ME3: variants seen among roughly 807,000 people sequenced by gnomAD.
ME3 encodes the protein malic enzyme 3, also known as NADP-dependent malic enzyme, mitochondrial.
ME3 carries 48 observed loss-of-function variants against 68.9 expected under a neutral mutation model. The ratio of observed to expected loss-of-function variants is 0.70; its 90% CI spans 0.55 to 0.89. The LOEUF is 0.89. ME3 is among the 40% of genes least tolerant of loss of function. ME3 has a pLI of 0.00. For missense variants in ME3, 675 were observed against 797.4 expected (o/e 0.85, Z 1.85); for synonymous variants, 320 against 318.8 (o/e 1.00, Z -0.04).
At chr11:86,620,842 C>G (rs1565226025) in intron 2 of ME3, among the ~76,000 whole-genome samples, 1 of 152,156 alleles carries the variant, frequency 6.6e-6, no homozygotes, top group African/African-American at 2.4e-5. Flanking sequence ...CAGCCAATCT[C>G]TCTGTCCTCT....
chr11:86,502,717 T>C (rs546837559), intron 5 of ME3, among the ~76,000 whole-genome samples: 4 of 152,226 alleles, frequency 2.6e-5, no homozygotes, highest in Admixed American at 6.5e-5. Flanking sequence ...ATTTTCCTTG[T>C]TTGGAAGAGT....
intron 2 of ME3, among the ~76,000 whole-genome samples, chr11:86,630,016 C>G (rs1396555943): frequency 1.3e-5 from 2 of 152,094 alleles, no homozygotes; most frequent in East Asian, 1.9e-4. Context: ...AACTCTAGAC[C>G]TGGAGGAACT....
chr11:86,536,230 G>A (rs532123050), intron 4 of ME3, among the ~76,000 whole-genome samples: 38 of 151,988 alleles, frequency 2.5e-4, no homozygotes, highest in African/African-American at 8.4e-4. Context: ...CATGAGCAAG[G>A]ACTTCATGTC....
intron 4 of ME3, among the ~76,000 whole-genome samples, chr11:86,509,756 C>CAAA (rs5793200): frequency 2.0e-5 from 2 of 102,508 alleles, no homozygotes; most frequent in African/African-American, 7.2e-5. Flanking sequence ...GGGGGATTGG[C>CAAA]AAAAAAAAAA....
Position 86,545,124 on chromosome 11 carries a change from C to G in ME3, c.467+11429G>C, listed in dbSNP as rs1052252581. 8.4e-4 allele frequency among the ~76,000 whole-genome samples: 127 copies of G among 151,950 alleles called. 1 individual carries two copies. The highest frequency in any genetic ancestry group is 3.0e-3 in the African/African-American group (123 of 41,434). On this transcript the variant is annotated intron_variant, in intron 4 of 14. Transcript: ENST00000543262. ...AAAGGCCTTCGATAAAATTCAACAC[C>G]CTTCATGCTAAAAACTCTCAAGAAA...
intron 8 of ME3, among the ~76,000 whole-genome samples, chr11:86,451,509 A>G (rs1949631612): frequency 6.6e-6 from 1 of 152,198 alleles, no homozygotes; most frequent in Non-Finnish European, 1.5e-5. Context: ...GAGGCTATGC[A>G]TGGGCTTCCT....
At chr11:86,650,806 C>T (rs1945357263) in intron 2 of ME3, among the ~76,000 whole-genome samples, 3 of 152,184 alleles carry the variant, frequency 2.0e-5, no homozygotes, top group Admixed American at 2.0e-4. Context: ...CATCGCCTCA[C>T]CCAGGAAGTG....
At chr11:86,530,282 A>T (rs950695735) in intron 4 of ME3, among the ~76,000 whole-genome samples, 1 of 152,194 alleles carries the variant, frequency 6.6e-6, no homozygotes, top group Admixed American at 6.5e-5. Context: ...CTAGGAATCC[A>T]ACTTACAAGG....
intron 4 of ME3, among the ~76,000 whole-genome samples, chr11:86,509,221 TC>T (rs3837399): frequency 0.045 from 6,901 of 152,208 alleles, 164 homozygotes; most frequent in South Asian, 0.099. Flanking sequence ...CTTTTCCAGG[TC>T]CCTCCTCCCA....
At chr11:86,468,892 G>C (rs943748598) in intron 7 of ME3, among the ~76,000 whole-genome samples, 15 of 152,224 alleles carry the variant, frequency 9.9e-5, no homozygotes, top group Admixed American at 2.6e-4. Flanking sequence ...ATCACCTTAT[G>C]ATGTAGGCGC....
chr11:86,485,917 G>A (rs935066760), intron 7 of ME3, among the ~76,000 whole-genome samples: 1 of 152,142 alleles, frequency 6.6e-6, no homozygotes, highest in Non-Finnish European at 1.5e-5. Context: ...AACCCCAAGG[G>A]GGCCCAGAGA....
chr11:86,448,447 G>C (rs528704924), intron 10 of ME3, among the ~76,000 whole-genome samples, 192 bp from the exon 11 acceptor site: 1 of 152,302 alleles, frequency 6.6e-6, no homozygotes, highest in East Asian at 1.9e-4. Flanking sequence ...GTGTGAGAGT[G>C]GGGTGTGTGT....
At chr11:86,628,765 C>T (rs1163166564) in intron 2 of ME3, among the ~76,000 whole-genome samples, 3 of 152,124 alleles carry the variant, frequency 2.0e-5, no homozygotes, top group Admixed American at 1.3e-4. Flanking sequence ...TCATGCAGAC[C>T]GCAGTTGCAA....
intron 2 of ME3, among the ~76,000 whole-genome samples, chr11:86,627,292 CT>C (rs1280673018): frequency 3.9e-5 from 6 of 152,238 alleles, no homozygotes; most frequent in African/African-American, 1.4e-4. Context: ...TAGAAAACAA[CT>C]TGTATAAATC....
chr11:86,446,380 C>A, exon 13 of ME3: 1 of 1,614,182 alleles, frequency 6.2e-7, no homozygotes, highest in Non-Finnish European at 8.5e-7. Flanking sequence ...CTCCCAGTGC[C>A]ACCCCGGGGA....
chr11:86,624,112 A>T (rs535920040), intron 2 of ME3, among the ~76,000 whole-genome samples: 1 of 152,262 alleles, frequency 6.6e-6, no homozygotes, highest in South Asian at 2.1e-4. Flanking sequence ...AAACTTTGGG[A>T]GCTGTGGGGC....
intron 4 of ME3, among the ~76,000 whole-genome samples, chr11:86,554,817 G>C (rs999232199): frequency 3.3e-5 from 5 of 152,208 alleles, no homozygotes; most frequent in African/African-American, 1.2e-4. Context: ...TATTGGTCTA[G>C]AATACCCAAC....
chr11:86,521,020 C>T (rs985743546), intron 4 of ME3, among the ~76,000 whole-genome samples: 3 of 152,156 alleles, frequency 2.0e-5, no homozygotes, highest in African/African-American at 7.2e-5. Flanking sequence ...GGGTTCAAAG[C>T]CCAAATCCAA....
intron 2 of ME3, among the ~76,000 whole-genome samples, chr11:86,628,895 CT>C (rs1356451246): frequency 1.4e-4 from 22 of 152,180 alleles, no homozygotes; most frequent in Admixed American, 1.4e-3. Context: ...ACGTCTAAAT[CT>C]AGTATTGACA....
Sources: gnomAD v4.1 joint callset for allele counts (sites outside exome capture counted in the v4.1 genomes callset) on GRCh38, gnomAD v4.1.1 for gene constraint, MANE v1.5 for transcripts, NCBI Gene and HGNC (gene_info 2026-07-23, HGNC 2026-07-21) for gene names.